Variants in BCKDHB observed in about 807,000 individuals in gnomAD.
BCKDHB encodes 2-oxoisovalerate dehydrogenase subunit beta, mitochondrial.
A neutral mutation model predicts 48.5 loss-of-function variants in BCKDHB; 41 were observed. That is an observed-to-expected ratio of 0.85 (90% CI 0.66 to 1.10). BCKDHB has a LOEUF of 1.10. Ranked by LOEUF, BCKDHB falls within the 50% of genes least tolerant of loss-of-function variation. The pLI is 0.00. For missense variants in BCKDHB, 496 were observed against 494.2 expected (o/e 1.00, Z -0.03); for synonymous variants, 201 against 174.8 (o/e 1.15, Z -1.18).
intron 8 of BCKDHB, among the ~76,000 whole-genome samples, chr6:80,246,261 GGGAAGCATTGAGAGAA>G (rs1473978961): frequency 1.3e-5 from 2 of 152,294 alleles, no homozygotes; most frequent in Non-Finnish European, 2.9e-5. Flanking sequence ...CTCAGTGCAT[GGGAAGCATTGAGAGAA>G]GGAAGGTGTC....
chr6:80,275,296 G>A (rs1777921387), intron 9 of BCKDHB, among the ~76,000 whole-genome samples: 1 of 152,086 alleles, frequency 6.6e-6, no homozygotes, highest in African/African-American at 2.4e-5. Context: ...AATGTAAAGT[G>A]TGTGCACATG....
At chr6:80,174,195 T>A (rs1773046504) in intron 6 of BCKDHB, among the ~76,000 whole-genome samples, 1 of 152,170 alleles carries the variant, frequency 6.6e-6, no homozygotes, top group Non-Finnish European at 1.5e-5. Context: ...AATTGTACAT[T>A]TAAAGTTTTT....
At position 80,239,720 on chromosome 6, in the gene BCKDHB, G is replaced by GT. The variant is rs201193897; in HGVS notation, c.952-33410dup. On this transcript the variant is annotated intron_variant, in intron 8 of 9. Coordinates refer to ENST00000320393, the MANE Select transcript of BCKDHB (RefSeq NM_183050.4). Reference sequence around the variant, plus strand: ...AGTATTGCCTAGGTTTTCTTCTAGGGTTTTTATGGTTTTAGGTCTAACATT... The same window carrying GT: ...AGTATTGCCTAGGTTTTCTTCTAGGGTTTTTTATGGTTTTAGGTCTAACATT... Among the ~76,000 whole-genome samples, 708 of 152,248 alleles carry GT rather than the reference G, an allele frequency of 4.7e-3. 10 individuals carry two copies. The highest frequency in any genetic ancestry group is 0.03 in the Admixed American group (454 of 15,286).
At chr6:80,247,829 A>G (rs73748759) in intron 8 of BCKDHB, among the ~76,000 whole-genome samples, 3,029 of 152,260 alleles carry the variant, frequency 0.02, 92 homozygotes, top group African/African-American at 0.068. Context: ...GTGGAAGTCT[A>G]TGTTGTGATG....
At chr6:80,181,843 G>GGT (rs1268892886) in intron 6 of BCKDHB, among the ~76,000 whole-genome samples, 1 of 152,028 alleles carries the variant, frequency 6.6e-6, no homozygotes, top group Non-Finnish European at 1.5e-5. Context: ...ATTGCAGAAG[G>GGT]GTGTGAATAC....
the BCKDHB span, among the ~76,000 whole-genome samples, chr6:80,412,789 A>G: frequency 1.4e-4 from 21 of 152,264 alleles, no homozygotes; most frequent in Admixed American, 3.9e-4. Flanking sequence ...TTTGCTAGAT[A>G]TAGTTATTTG....
chr6:80,384,540 A>G, the BCKDHB span, among the ~76,000 whole-genome samples: 190 of 151,920 alleles, frequency 1.3e-3, 1 homozygote, highest in African/African-American at 4.5e-3. Flanking sequence ...TGTATTTTTA[A>G]TAGAGATGGA....
At chr6:80,295,089 G>A (rs2127987661) in intron 9 of BCKDHB, among the ~76,000 whole-genome samples, 1 of 152,296 alleles carries the variant, frequency 6.6e-6, no homozygotes, top group South Asian at 2.1e-4. Flanking sequence ...CAGCAGCCCA[G>A]CTGTAAAATT....
intron 8 of BCKDHB, among the ~76,000 whole-genome samples, chr6:80,212,217 C>T (rs1235552554): frequency 2.0e-5 from 3 of 152,044 alleles, no homozygotes; most frequent in Admixed American, 1.3e-4. Flanking sequence ...GAGTTTTTCC[C>T]CACCCTGATA....
At chr6:80,386,861 A>C in the BCKDHB span, among the ~76,000 whole-genome samples, 99 of 152,298 alleles carry the variant, frequency 6.5e-4, no homozygotes, top group Middle Eastern at 6.8e-3. Context: ...ACAGCCCCTC[A>C]ATCAATTTCC....
chr6:80,301,210 G>C (rs937104220), intron 9 of BCKDHB, among the ~76,000 whole-genome samples: 1 of 151,924 alleles, frequency 6.6e-6, no homozygotes, highest in East Asian at 1.9e-4. Context: ...ATGAGATTGA[G>C]ATGCAAAAAT....
the BCKDHB span, among the ~76,000 whole-genome samples, chr6:80,389,098 AT>A: frequency 2.6e-4 from 40 of 152,342 alleles, no homozygotes; most frequent in African/African-American, 8.7e-4. Context: ...AGATATTTGT[AT>A]CCCATGTGAG....
At chr6:80,140,455 C>G (rs1351638794) in intron 3 of BCKDHB, among the ~76,000 whole-genome samples, 1 of 150,222 alleles carries the variant, frequency 6.7e-6, no homozygotes, top group African/African-American at 2.5e-5. Context: ...ATCGATAGCT[C>G]TTATTATTTT....
At chr6:80,357,218 G>T in the BCKDHB span, among the ~76,000 whole-genome samples, 1 of 152,146 alleles carries the variant, frequency 6.6e-6, no homozygotes, top group Non-Finnish European at 1.5e-5. Flanking sequence ...AGCAACTGTG[G>T]GAAGTCATTA....
chr6:80,230,026 GTTTTTTTTTTTTTTT>G (rs551632775), intron 8 of BCKDHB, among the ~76,000 whole-genome samples: 9 of 60,646 alleles, frequency 1.5e-4, no homozygotes, highest in Admixed American at 2.9e-4. Context: ...TTTTTAGGTT[GTTTTTTTTTTTTTTT>G]TTTTTTTTTT....
At chr6:80,332,718 A>C (rs1033931538) in intron 9 of BCKDHB, among the ~76,000 whole-genome samples, 11 of 151,624 alleles carry the variant, frequency 7.3e-5, no homozygotes, top group Non-Finnish European at 1.2e-4. Flanking sequence ...AAAAAAAAAA[A>C]AAAACACCTT....
chr6:80,119,479 G>A (rs1331697580), intron 1 of BCKDHB, among the ~76,000 whole-genome samples: 1 of 151,880 alleles, frequency 6.6e-6, no homozygotes, highest in Non-Finnish European at 1.5e-5. Context: ...CCACCATACT[G>A]GGCTAATTTT....
chr6:80,108,556 A>T, intron 1 of BCKDHB, among the ~76,000 whole-genome samples: 1 of 107,690 alleles, frequency 9.3e-6, no homozygotes, highest in Admixed American at 1.1e-4. Context: ...AATGGATAAA[A>T]AGTAAAAAAA....
At chr6:80,357,999 C>T in the BCKDHB span, among the ~76,000 whole-genome samples, 1 of 152,196 alleles carries the variant, frequency 6.6e-6, no homozygotes, top group African/African-American at 2.4e-5. Flanking sequence ...TGTCCTTACT[C>T]TAACCCTTGA....
Sources: gnomAD v4.1 joint callset for allele counts (sites outside exome capture counted in the v4.1 genomes callset) on GRCh38, gnomAD v4.1.1 for gene constraint, MANE v1.5 for transcripts, NCBI Gene and HGNC (gene_info 2026-07-23, HGNC 2026-07-21) for gene names.